Variants in GMDS observed in about 807,000 individuals in gnomAD.
The protein encoded by GMDS is GDP-mannose 4,6-dehydratase, also known as GDP-mannose 4,6 dehydratase.
A neutral mutation model predicts 49.9 loss-of-function variants in GMDS; 20 were observed. The ratio of observed to expected loss-of-function variants is 0.40; its 90% CI spans 0.28 to 0.58. GMDS has a LOEUF of 0.58. Among genes scored for constraint, GMDS ranks in the 20% least tolerant of loss-of-function variants. GMDS has a pLI of 0.42. For missense variants in GMDS, 362 were observed against 481.4 expected (o/e 0.75, Z 2.32); for synonymous variants, 177 against 178.6 (o/e 0.99, Z 0.07).
chr6:2,091,984 G>A (rs915149802), intron 4 of GMDS, among the ~76,000 whole-genome samples: 2 of 152,042 alleles, frequency 1.3e-5, no homozygotes, highest in African/African-American at 4.8e-5. Flanking sequence ...TATATGACCT[G>A]GTTTGGGCCA....
At chr6:2,185,144 T>C (rs1473796932) in intron 1 of GMDS, among the ~76,000 whole-genome samples, 2 of 152,204 alleles carry the variant, frequency 1.3e-5, no homozygotes, top group African/African-American at 4.8e-5. Context: ...TTCTGAAAAA[T>C]CTTCAGCACT....
chr6:2,167,582 T>TA (rs1320236599), intron 1 of GMDS, among the ~76,000 whole-genome samples: 6 of 152,068 alleles, frequency 3.9e-5, no homozygotes, highest in African/African-American at 1.4e-4. Context: ...CCAGAAGACA[T>TA]ACGATGCCCT....
At chr6:1,895,354 A>C (rs1760103298) in intron 7 of GMDS, among the ~76,000 whole-genome samples, 1 of 152,228 alleles carries the variant, frequency 6.6e-6, no homozygotes, top group African/African-American at 2.4e-5. Flanking sequence ...AATGAACTAT[A>C]GTAAGCTTAA....
intron 4 of GMDS, among the ~76,000 whole-genome samples, chr6:1,962,878 T>C (rs1018111563): frequency 1.3e-5 from 2 of 151,244 alleles, no homozygotes; most frequent in Non-Finnish European, 2.9e-5. Flanking sequence ...TTTTTTTTCT[T>C]TCTTTTTTTT....
intron 9 of GMDS, among the ~76,000 whole-genome samples, chr6:1,722,257 A>ATTATTATTATTATTT (rs1395751269): frequency 5.1e-5 from 6 of 117,126 alleles, no homozygotes; most frequent in Admixed American, 9.5e-5. Context: ...TAGTAGTAGT[A>ATTATTATTATTATTT]GTAGTATTTT....
chr6:1,819,776 A>AATATAT (rs397742149), intron 7 of GMDS, among the ~76,000 whole-genome samples: 17 of 103,512 alleles, frequency 1.6e-4, no homozygotes, highest in South Asian at 1.4e-3. Context: ...AAAAAAAAAA[A>AATATAT]ATATATATAT....
At chr6:1,995,485 T>G (rs964523603) in intron 4 of GMDS, among the ~76,000 whole-genome samples, 1 of 147,540 alleles carries the variant, frequency 6.8e-6, no homozygotes, top group African/African-American at 2.5e-5. Flanking sequence ...ATTCCATCCC[T>G]GTGTTGTCTC....
chr6:2,111,049 T>C (rs1423533140), intron 4 of GMDS, among the ~76,000 whole-genome samples: 1 of 152,196 alleles, frequency 6.6e-6, no homozygotes, highest in African/African-American at 2.4e-5. Flanking sequence ...AGGTTCACTG[T>C]AGAAAGATCT....
chr6:1,757,735 G>A (rs1007617302), intron 7 of GMDS, among the ~76,000 whole-genome samples: 1 of 152,192 alleles, frequency 6.6e-6, no homozygotes, highest in Non-Finnish European at 1.5e-5. Flanking sequence ...ACATCACAGT[G>A]CGTGCATTAA....
At chr6:1,889,117 G>A (rs909874603) in intron 7 of GMDS, among the ~76,000 whole-genome samples, 1 of 151,994 alleles carries the variant, frequency 6.6e-6, no homozygotes, top group African/African-American at 2.4e-5. Flanking sequence ...CCATGGATGC[G>A]GAACGTGTAA....
At chr6:1,738,320 T>C (rs547110240) in intron 8 of GMDS, among the ~76,000 whole-genome samples, 77 of 152,364 alleles carry the variant, frequency 5.1e-4, no homozygotes, top group Admixed American at 2.4e-3. Flanking sequence ...GGACTGCATG[T>C]GGTACTGATC....
At chr6:1,992,794 T>A (rs527823625) in intron 4 of GMDS, among the ~76,000 whole-genome samples, 2 of 152,332 alleles carry the variant, frequency 1.3e-5, no homozygotes, top group African/African-American at 4.8e-5. Context: ...CCCCAACAGG[T>A]CCCAAACACT....
chr6:1,848,202 G>A lies in GMDS; in HGVS notation c.771+81901C>T, dbSNP rs151235995. Reference sequence around the variant, plus strand: ...AAAATCTCCAAGACCAGGTCCCAACGTACCGCCCCATTTCATCATCTACCG... The same window carrying A: ...AAAATCTCCAAGACCAGGTCCCAACATACCGCCCCATTTCATCATCTACCG... On this transcript the variant is annotated intron_variant, in intron 7 of 10. Coordinates refer to ENST00000380815, the MANE Select transcript of GMDS (RefSeq NM_001500.4). Among the ~76,000 whole-genome samples, 36 of 152,170 alleles carry A rather than the reference G, an allele frequency of 2.4e-4. No individual in the cohort carries two copies. In the East Asian group the frequency reaches 4.8e-3, roughly 20 times the overall value.
At chr6:1,874,066 C>A (rs1758908180) in intron 7 of GMDS, among the ~76,000 whole-genome samples, 1 of 152,236 alleles carries the variant, frequency 6.6e-6, no homozygotes, top group Non-Finnish European at 1.5e-5. Flanking sequence ...GGGCACCGGC[C>A]TCCAGAGACG....
intron 4 of GMDS, among the ~76,000 whole-genome samples, chr6:2,064,346 A>T (rs1485249338): frequency 6.6e-6 from 1 of 152,210 alleles, no homozygotes; most frequent in Non-Finnish European, 1.5e-5. Context: ...AGAATAAGAA[A>T]TAAGGCCAAT....
intron 4 of GMDS, among the ~76,000 whole-genome samples, chr6:2,017,700 T>C (rs1331793473): frequency 6.6e-6 from 1 of 152,198 alleles, no homozygotes; most frequent in Non-Finnish European, 1.5e-5. Context: ...GCCCTGAAAC[T>C]TAATTGCTAA....
At chr6:2,062,243 C>T (rs899613440) in intron 4 of GMDS, among the ~76,000 whole-genome samples, 6 of 152,160 alleles carry the variant, frequency 3.9e-5, no homozygotes, top group Non-Finnish European at 1.5e-5. Context: ...ACCTGAGAGT[C>T]CTGCATGGTT....
At position 1,997,489 on chromosome 6, in the gene GMDS, C is replaced by G. The variant is rs143687354; in HGVS notation, c.346-36523G>C. 9.5e-3 allele frequency among the ~76,000 whole-genome samples: 1,164 copies of G among 122,810 alleles called. 17 individuals carry two copies. The highest frequency in any genetic ancestry group is 0.036 in the African/African-American group (1,119 of 31,092). 80.6% of individuals were successfully genotyped at this position (122,810 alleles called of 152,430 possible). A position where few individuals can be genotyped will look rare whatever the true frequency, so the allele number is the denominator to read the frequency against. ...CGCCACTGCACTCCAGCCTGGGAGA[C>G]AGAGTGAGACTCTGTCTCAAAAAAA... On this transcript the variant is annotated intron_variant, in intron 4 of 10. Transcript: ENST00000380815.
chr6:2,205,328 T>C (rs1324812476), intron 1 of GMDS, among the ~76,000 whole-genome samples: 2 of 152,164 alleles, frequency 1.3e-5, no homozygotes, highest in African/African-American at 2.4e-5. Flanking sequence ...AACTCCCCCA[T>C]TGAAAAGTTC....
Sources: gnomAD v4.1 joint callset for allele counts (sites outside exome capture counted in the v4.1 genomes callset) on GRCh38, gnomAD v4.1.1 for gene constraint, MANE v1.5 for transcripts, NCBI Gene and HGNC (gene_info 2026-07-23, HGNC 2026-07-21) for gene names.